The following VPS13C variants were observed in gnomAD, a reference collection of about 807,000 sequenced individuals.
VPS13C encodes the protein intermembrane lipid transfer protein VPS13C.
A neutral mutation model predicts 456.8 loss-of-function variants in VPS13C; 358 were observed. The ratio of observed to expected loss-of-function variants is 0.78; its 90% CI spans 0.72 to 0.86. VPS13C has a LOEUF of 0.86. Ranked by LOEUF, VPS13C falls within the 40% of genes least tolerant of loss-of-function variation. VPS13C has a pLI of 0.00. For synonymous variants in VPS13C, 1,578 were observed against 1,486.7 expected, an observed-to-expected ratio of 1.06 and a Z score of -1.41; for missense variants, 4,818 against 4,385.4, an observed-to-expected ratio of 1.10 and a Z score of -2.79.
chr15:61,935,129 A>G (rs1404147542), intron 48 of VPS13C, among the ~76,000 whole-genome samples: 1 of 152,188 alleles, frequency 6.6e-6, no homozygotes, highest in Non-Finnish European at 1.5e-5. Context: ...AGCAAAATCA[A>G]ACAGAGTTCA....
rs576061938 is a variant in VPS13C at position 61,974,490 on chromosome 15, A to C, written c.2409-73T>G. On this transcript the variant is annotated intron_variant, in intron 24 of 84. Transcript: ENST00000644861. The stretch of plus-strand genomic sequence containing the variant: ...ACGAGGGAAAGAATTGCATTAATGT[A>C]ATTAGATTAAAACATGCCTAAACTT... 31 of 1,505,090 alleles carry C rather than the reference A, an allele frequency of 2.1e-5. No individual in the cohort carries two copies. The East Asian group carries it at 7.2e-4, about 35-fold the overall frequency. 93.2% of individuals were successfully genotyped at this position (1,505,090 alleles called of 1,614,324 possible).
chr15:61,880,062 C>T (rs1895734076), intron 73 of VPS13C, among the ~76,000 whole-genome samples: 1 of 152,036 alleles, frequency 6.6e-6, no homozygotes, highest in South Asian at 2.1e-4. Flanking sequence ...TAAGAATTTA[C>T]TAAGCAGTCA....
intron 12 of VPS13C, 106 bp from the exon 13 acceptor site, chr15:62,010,705 CA>C: frequency 8.5e-7 from 1 of 1,171,914 alleles, no homozygotes; most frequent in Non-Finnish European, 1.1e-6. Flanking sequence ...GAAAAATGAT[CA>C]AAAATGTGTG....
intron 47 of VPS13C, among the ~76,000 whole-genome samples, chr15:61,939,918 C>T (rs972546307): frequency 4.6e-5 from 7 of 151,572 alleles, no homozygotes; most frequent in African/African-American, 1.7e-4. Flanking sequence ...CGCTTGAACC[C>T]AGCTAGTGGA....
chr15:61,957,994 C>T lies in VPS13C; in HGVS notation c.4165+614G>A, dbSNP rs1596382290. ...CACATGCATGTACACATACAGGATG[C>T]TACCATTTGTTTGAAAAAAACTAAA... On this transcript the variant is annotated intron_variant, in intron 37 of 84. Coordinates refer to ENST00000644861, the MANE Select transcript of VPS13C (RefSeq NM_020821.3). 4.0e-5 allele frequency among the ~76,000 whole-genome samples: 6 copies of T among 151,804 alleles called. No homozygotes were observed. In the South Asian group the frequency reaches 6.3e-4, roughly 16 times the overall value.
intron 68 of VPS13C, 94 bp downstream of exon 68, chr15:61,884,034 T>C: frequency 8.5e-7 from 1 of 1,177,556 alleles, no homozygotes; most frequent in Admixed American, 2.8e-5. Flanking sequence ...AGTTCATTTC[T>C]GCACATGTCT....
At chr15:61,869,116 CTTTT>C (rs68084709) in intron 80 of VPS13C, among the ~76,000 whole-genome samples, 3 of 131,326 alleles carry the variant, frequency 2.3e-5, no homozygotes, top group Non-Finnish European at 3.2e-5. Flanking sequence ...TTTCTTTTTT[CTTTT>C]TTTTTTTTTT....
At chr15:61,862,739 C>T (rs1894293049) in intron 82 of VPS13C, among the ~76,000 whole-genome samples, 1 of 152,074 alleles carries the variant, frequency 6.6e-6, no homozygotes, top group Non-Finnish European at 1.5e-5. Context: ...ACTGGTTAAC[C>T]TCTCTTATCC....
intron 9 of VPS13C, among the ~76,000 whole-genome samples, chr15:62,017,537 T>C (rs1342546666): frequency 4.6e-5 from 7 of 152,206 alleles, no homozygotes; most frequent in Middle Eastern, 3.2e-3. Flanking sequence ...ATTTGTTAAA[T>C]AGGGAATCCT....
chr15:61,877,763 C>T (rs1895557681), intron 74 of VPS13C, among the ~76,000 whole-genome samples: 1 of 151,830 alleles, frequency 6.6e-6, no homozygotes, highest in Admixed American at 6.6e-5. Flanking sequence ...AAAATAGAAT[C>T]GCTCATATTT....
At chr15:62,012,999 G>A in intron 11 of VPS13C, 40 bp downstream of exon 11, 12 of 1,492,304 alleles carry the variant, frequency 8.0e-6, no homozygotes, top group Non-Finnish European at 1.1e-5. Context: ...ATTTAGGGAT[G>A]GGAGTGAAGT....
chr15:62,047,119 A>G (rs1464833831), intron 1 of VPS13C, among the ~76,000 whole-genome samples: 2 of 151,914 alleles, frequency 1.3e-5, no homozygotes, highest in Non-Finnish European at 2.9e-5. Context: ...ACCCCCAGAC[A>G]CGTAAGAATA....
chr15:61,998,590 G>A (rs972254701), intron 16 of VPS13C, among the ~76,000 whole-genome samples: 1 of 152,168 alleles, frequency 6.6e-6, no homozygotes, highest in Non-Finnish European at 1.5e-5. Context: ...AAGGCACAGA[G>A]GGGTCAAACG....
Position 61,961,588 on chromosome 15 carries a change from C to T in VPS13C, c.3908+1G>A. Reference sequence around the variant, plus strand: ...AATCCATAATTATTGAAAGAGCATACCTATAAAGTGTAAGCTTTGTTAGCT... The same window carrying T: ...AATCCATAATTATTGAAAGAGCATATCTATAAAGTGTAAGCTTTGTTAGCT... On this transcript the variant is annotated splice_donor_variant, in intron 35 of 84. Coordinates refer to ENST00000644861, the MANE Select transcript of VPS13C (RefSeq NM_020821.3). LOFTEE classifies it high-confidence loss of function. 2 of 1,577,730 alleles carry T rather than the reference C, an allele frequency of 1.3e-6. No individual in the cohort carries two copies. The highest frequency in any genetic ancestry group is 1.7e-6 in the Non-Finnish European group (2 of 1,163,286).
chr15:61,999,602 G>A (rs192105758), intron 16 of VPS13C, among the ~76,000 whole-genome samples: 22 of 152,184 alleles, frequency 1.4e-4, no homozygotes, highest in African/African-American at 5.3e-4. Flanking sequence ...TTTCTGAGAT[G>A]AGTGTTTTTG....
At chr15:61,940,106 G>A (rs12594396) in intron 47 of VPS13C, among the ~76,000 whole-genome samples, 2 of 151,658 alleles carry the variant, frequency 1.3e-5, no homozygotes, top group African/African-American at 4.9e-5. Context: ...TAAAAATAAT[G>A]GTGTATTTAT....
rs144728892 is a variant in VPS13C, at chr15:61,991,688, A to G, written c.1468T>C (p.Ser490Pro). The stretch of plus-strand genomic sequence containing the variant: ...TGGAACTTACTTTCAGGAATCAATG[A>G]TTCTTCGTCCTTTTTCTTAGACTCT... ...KKESKKKDEE[S>P]LIPETIDDLM... is the part of the protein sequence containing the mutation. Residue 490 changes from serine to proline, a missense_variant, in exon 17 of 85, where the codon TCA becomes CCA. By Grantham distance (74) the Ser-to-Pro change is moderately conservative (BLOSUM62 -1). Coordinates refer to ENST00000644861, the MANE Select transcript of VPS13C (RefSeq NM_020821.3). 3.5e-5 allele frequency: 56 copies of G among 1,611,754 alleles called. No individual in the cohort carries two copies. The African/African-American group carries it at 6.9e-4, about 20-fold the overall frequency.
chr15:62,001,391 T>C (rs2046608755), intron 15 of VPS13C, among the ~76,000 whole-genome samples: 1 of 152,206 alleles, frequency 6.6e-6, no homozygotes, highest in Non-Finnish European at 1.5e-5. Context: ...ATTCAACTCA[T>C]TTTTCACATT....
rs373571569 is a variant in VPS13C at position 61,922,575 on chromosome 15, C to T, written c.6797G>A (p.Gly2266Asp). 58 of 1,613,922 alleles carry T rather than the reference C, an allele frequency of 3.6e-5. 1 individual carries two copies. The highest frequency in any genetic ancestry group is 4.6e-5 in the Non-Finnish European group (54 of 1,179,972). Residue 2266 changes from glycine to aspartate, a missense_variant, in exon 54 of 85, where the codon GGC becomes GAC. Gly to Asp is a moderately conservative substitution (Grantham distance 94). Around this residue, in one of 3 missense-constraint regions of VPS13C, gnomAD observed 4,552 missense variants for 4,130.6 expected, o/e 1.10. Coordinates refer to ENST00000644861, the MANE Select transcript of VPS13C (RefSeq NM_020821.3). ...TATEITESFK[G>D]IEHSLIEENC... ...TTCCTCTATCAGTGAATGTTCAATG[C>T]CTTTGAAGCTTTCCGTTATTTCTGT...
Sources: gnomAD v4.1 joint callset for allele counts (sites outside exome capture counted in the v4.1 genomes callset) on GRCh38, gnomAD v4.1.1 for gene constraint, gnomAD v4.1.1 regional missense constraint, MANE v1.5 for transcripts, NCBI Gene and HGNC (gene_info 2026-07-23, HGNC 2026-07-21) for gene names.